ALDH1A3: variants seen among roughly 807,000 people sequenced by gnomAD.
ALDH1A3 encodes the protein retinaldehyde dehydrogenase 3.
A neutral mutation model predicts 57.5 loss-of-function variants in ALDH1A3; 28 were observed. The ratio of observed to expected loss-of-function variants is 0.49; its 90% CI spans 0.36 to 0.67. The LOEUF (loss-of-function observed/expected upper bound fraction) is 0.67, where lower values mean the gene tolerates loss of function less well. Among genes scored for constraint, ALDH1A3 ranks in the 30% least tolerant of loss-of-function variants. ALDH1A3 has a pLI of 0.00. For synonymous variants in ALDH1A3, 281 were observed against 264.8 expected (o/e 1.06, Z -0.59); for missense variants, 507 against 669.4 (o/e 0.76, Z 2.68).
chr15:100,881,018 C>G (rs1366844673), intron 1 of ALDH1A3: 1 of 152,322 alleles, frequency 6.6e-6, no homozygotes, highest in African/African-American at 2.4e-5. Flanking sequence ...TTGCTTTTAC[C>G]CATAGCCCCC....
At position 100,893,057 on chromosome 15, in the gene ALDH1A3, G is replaced by A. The variant is rs1215133658; in HGVS notation, c.537+51G>A. ...GATTCTATGTAGATCCTGCCCCACT[G>A]CCCTGTGTCCTTTGGAATCAATTTC... On this transcript the variant is annotated intron_variant, in intron 5 of 12. Coordinates refer to ENST00000329841, the MANE Select transcript of ALDH1A3 (RefSeq NM_000693.4). The surrounding 1 kb of genome is among the most constrained non-coding windows in gnomAD (Gnocchi z 4.8). 1.3e-6 allele frequency: 2 copies of A among 1,513,182 alleles called. No homozygotes were observed. Among genetic ancestry groups the A allele is most frequent in the African/African-American group, 2.8e-5 (2 of 72,334 alleles). The allele number at this position is 1,513,182 out of a possible 1,614,324, so 93.7% of individuals were successfully genotyped here.
In ALDH1A3 at chr15:100,893,919, A is replaced by T; in HGVS notation, c.538-35A>T. The T allele has an allele frequency of 6.2e-7, 1 of 1,609,822 alleles. No homozygotes were observed. Among genetic ancestry groups the T allele is most frequent in the Non-Finnish European group, 8.5e-7 (1 of 1,178,058 alleles). On this transcript the variant is annotated intron_variant, in intron 5 of 12. Coordinates refer to ENST00000329841, the MANE Select transcript of ALDH1A3 (RefSeq NM_000693.4). This position sits in a 1 kb window ranked among gnomAD's most constrained non-coding sequence, Gnocchi z 4.8. ...CACATGGGACAGGGTAAGAGGGTGG[A>T]TCTGGGCCTCCAAAGCCCCTGTGCT...
At chr15:100,884,565 GTT>G (rs58072985) in intron 1 of ALDH1A3, among the ~76,000 whole-genome samples, 11 of 139,916 alleles carry the variant, frequency 7.9e-5, no homozygotes, top group African/African-American at 2.1e-4. Context: ...GTTTTTCTGG[GTT>G]TTTTTTTTTT....
rs2041672282 is a variant in ALDH1A3 at position 100,893,515 on chromosome 15, T to C, written c.538-439T>C. 1.8e-5 allele frequency: 3 copies of C among 169,718 alleles called. No individual in the cohort carries two copies. Among genetic ancestry groups the C allele is most frequent in the Non-Finnish European group, 3.8e-5 (3 of 79,120 alleles). 10.5% of individuals were successfully genotyped at this position (169,718 alleles called of 1,614,324 possible). A position where few individuals can be genotyped will look rare whatever the true frequency, so the allele number is the denominator to read the frequency against. Reference sequence around the variant, plus strand: ...TTTGGCTGCTAAGGGGCCGGGACTTTATTCATTGGGCGGTGGGGATGCTTA... The same window carrying C: ...TTTGGCTGCTAAGGGGCCGGGACTTCATTCATTGGGCGGTGGGGATGCTTA... On this transcript the variant is annotated intron_variant, in intron 5 of 12. Transcript: ENST00000329841. This position sits in a 1 kb window ranked among gnomAD's most constrained non-coding sequence, Gnocchi z 4.8.
intron 10 of ALDH1A3, 130 bp downstream of exon 10, chr15:100,905,817 T>C (rs1157436360): frequency 8.5e-6 from 8 of 940,592 alleles, no homozygotes; most frequent in African/African-American, 3.3e-5. Context: ...TTGTTGTCGT[T>C]GTTGTTTTTT....
At position 100,915,740 on chromosome 15, in the gene ALDH1A3, G is replaced by T. The variant is rs550669198; in HGVS notation, c.*967G>T. 6.6e-6 allele frequency: 1 copy of T among 152,180 alleles called. No individual in the cohort carries two copies. Among genetic ancestry groups the T allele is most frequent in the African/African-American group, 2.4e-5 (1 of 41,440 alleles). The allele number at this position is 152,180 out of a possible 1,614,324, so 9.4% of individuals were successfully genotyped here. ...GTTACCCAATTTAGATTAGTAAAGC[G>T]TACACAACTGGAAAGACTGCTGTAA... is the stretch of plus-strand genomic sequence containing the variant. On this transcript the variant is annotated 3_prime_UTR_variant, in exon 13 of 13. Coordinates refer to ENST00000329841, the MANE Select transcript of ALDH1A3 (RefSeq NM_000693.4).
intron 8 of ALDH1A3, among the ~76,000 whole-genome samples, 187 bp downstream of exon 8, chr15:100,898,372 A>C (rs1223824410): frequency 6.6e-6 from 1 of 152,256 alleles, no homozygotes; most frequent in Admixed American, 6.5e-5. Flanking sequence ...TCAAAATGCC[A>C]GCTTTACTTC....
In ALDH1A3 at chr15:100,889,306, T is replaced by C. The variant is rs2041626331; in HGVS notation, c.345+1594T>C. On this transcript the variant is annotated intron_variant, in intron 3 of 12. Coordinates refer to ENST00000329841, the MANE Select transcript of ALDH1A3 (RefSeq NM_000693.4). The surrounding 1 kb of genome is among the most constrained non-coding windows in gnomAD (Gnocchi z 5.1). ...AAATTGCTGTTGCCCCTGAATGTGT[T>C]TCTCAGGGTGGAGGAACTCTCAGGC... is the stretch of plus-strand genomic sequence containing the variant. Among the ~76,000 whole-genome samples, 1 of 152,176 alleles carries C rather than the reference T, an allele frequency of 6.6e-6. No individual in the cohort carries two copies. Among genetic ancestry groups the C allele is most frequent in the Non-Finnish European group, 1.5e-5 (1 of 68,032 alleles).
At chr15:100,901,932 G>A (rs1479836791) in intron 9 of ALDH1A3, among the ~76,000 whole-genome samples, 1 of 152,194 alleles carries the variant, frequency 6.6e-6, no homozygotes, top group Non-Finnish European at 1.5e-5. Context: ...CACTTCTTGT[G>A]GCTAACATTC....
rs1457422140 is a variant in ALDH1A3 at position 100,914,940 on chromosome 15, T to C, written c.*167T>C. On this transcript the variant is annotated 3_prime_UTR_variant, in exon 13 of 13. Coordinates refer to ENST00000329841, the MANE Select transcript of ALDH1A3 (RefSeq NM_000693.4). ...TGTTTTCCTCTCACTCTCCTGTTTATTCACCAGACTGGGGATGCCTATAGG... is the reference window on the plus strand; with the variant it reads ...TGTTTTCCTCTCACTCTCCTGTTTACTCACCAGACTGGGGATGCCTATAGG... 4 of 652,102 alleles carry C rather than the reference T, an allele frequency of 6.1e-6. No homozygotes were observed. The Admixed American group carries it at 8.3e-5, about 14-fold the overall frequency. The allele number at this position is 652,102 out of a possible 1,614,324, so 40.4% of individuals were successfully genotyped here.
intron 1 of ALDH1A3, chr15:100,880,529 G>C (rs1030348451): frequency 1.1e-5 from 3 of 278,428 alleles, no homozygotes; most frequent in African/African-American, 6.6e-5. Flanking sequence ...AGCGCAGCGG[G>C]CGCCTTCCGT....
At position 100,879,884 on chromosome 15, in the gene ALDH1A3, C is replaced by G. The variant is rs1216723979; in HGVS notation, c.-24C>G. On this transcript the variant is annotated 5_prime_UTR_variant, in exon 1 of 13. Transcript: ENST00000329841. Reference sequence around the variant, plus strand: ...CGGTGCGCCGCAGACTAGGGCGCCTCGGGCCAGGGAGCGCGGAGGAGCCAT... The same window carrying G: ...CGGTGCGCCGCAGACTAGGGCGCCTGGGGCCAGGGAGCGCGGAGGAGCCAT... 2 of 1,370,510 alleles carry G rather than the reference C, an allele frequency of 1.5e-6. No individual in the cohort carries two copies. Among genetic ancestry groups the G allele is most frequent in the Non-Finnish European group, 9.5e-7 (1 of 1,056,640 alleles). 84.9% of individuals were successfully genotyped at this position (1,370,510 alleles called of 1,614,324 possible). A position where few individuals can be genotyped will look rare whatever the true frequency, so the allele number is the denominator to read the frequency against.
intron 12 of ALDH1A3, chr15:100,913,570 G>A (rs1283336583): frequency 2.6e-5 from 4 of 152,252 alleles, no homozygotes; most frequent in African/African-American, 9.6e-5. Flanking sequence ...GGATGATCCA[G>A]GAGAGTCTCC....
At position 100,880,135 on chromosome 15, in the gene ALDH1A3, GC is replaced by G. The variant is rs1344128925; in HGVS notation, c.99+132del. On this transcript the variant is annotated intron_variant, in intron 1 of 12. Coordinates refer to ENST00000329841, the MANE Select transcript of ALDH1A3 (RefSeq NM_000693.4). ...GCGCCGCCGAGACCCGAGCCTCCCTGCCCGGGCGCGGCTCTCCAGAAACCGC... is the reference window on the plus strand; with the variant it reads ...GCGCCGCCGAGACCCGAGCCTCCCTGCCGGGCGCGGCTCTCCAGAAACCGC... The G allele has an allele frequency of 9.6e-4, 539 of 564,012 alleles. 3 individuals are homozygous for G. The highest frequency in any genetic ancestry group is 1.2e-3 in the Non-Finnish European group (473 of 379,820). 34.9% of individuals were successfully genotyped at this position (564,012 alleles called of 1,614,324 possible). A position where few individuals can be genotyped will look rare whatever the true frequency, so the allele number is the denominator to read the frequency against.
At chr15:100,880,318 C>A (rs2041534926) in intron 1 of ALDH1A3, 2 of 372,628 alleles carry the variant, frequency 5.4e-6, no homozygotes, top group Non-Finnish European at 9.5e-6. Context: ...CCGCTTTGAT[C>A]GCGAGTGGAG....
At chr15:100,904,173 T>C (rs966249889) in intron 9 of ALDH1A3, among the ~76,000 whole-genome samples, 1 of 151,762 alleles carries the variant, frequency 6.6e-6, no homozygotes, top group South Asian at 2.1e-4. Context: ...GGATCTGAGT[T>C]AGTATTTTTA....
intron 12 of ALDH1A3, among the ~76,000 whole-genome samples, chr15:100,910,974 C>T (rs560772267): frequency 3.7e-4 from 57 of 152,348 alleles, no homozygotes; most frequent in Non-Finnish European, 4.3e-4. Context: ...AACACCCCCT[C>T]GCCTGGCACA....
rs902167923 is a variant in ALDH1A3 at position 100,906,628 on chromosome 15, C to G, written c.1234-493C>G. Among the ~76,000 whole-genome samples the G allele has an allele frequency of 3.3e-5, 5 of 152,208 alleles. No individual in the cohort carries two copies. The highest frequency in any genetic ancestry group is 1.2e-4 in the African/African-American group (5 of 41,454). On this transcript the variant is annotated intron_variant, in intron 10 of 12. Coordinates refer to ENST00000329841, the MANE Select transcript of ALDH1A3 (RefSeq NM_000693.4). This position sits in a 1 kb window ranked among gnomAD's most constrained non-coding sequence, Gnocchi z 4.8. Reference sequence around the variant, plus strand: ...TTCCATTTCCTTTTCTTTGCTGTGTCACAAACTGTGGTGAATATTGTGTCA... The same window carrying G: ...TTCCATTTCCTTTTCTTTGCTGTGTGACAAACTGTGGTGAATATTGTGTCA...
intron 12 of ALDH1A3, 134 bp from the exon 13 acceptor site, chr15:100,914,567 C>T: frequency 1.4e-6 from 1 of 718,840 alleles, no homozygotes. Context: ...GCTATTATTC[C>T]ATGAGGTCGT....
Sources: gnomAD v4.1 joint callset for allele counts (sites outside exome capture counted in the v4.1 genomes callset) on GRCh38, gnomAD v4.1.1 for gene constraint, Gnocchi (gnomAD v3.1) non-coding constraint, MANE v1.5 for transcripts, NCBI Gene and HGNC (gene_info 2026-07-23, HGNC 2026-07-21) for gene names.